The following PRKG1 variants were observed in gnomAD, a reference collection of about 807,000 sequenced individuals.
The protein encoded by PRKG1 is protein kinase cGMP-dependent 1.
Under a neutral mutation model 88.1 loss-of-function variants are expected in PRKG1, and 35 were observed. That is an observed-to-expected ratio of 0.40 (90% CI 0.30 to 0.53). PRKG1 has a LOEUF of 0.53. Among genes scored for constraint, PRKG1 ranks in the 20% least tolerant of loss-of-function variants. The pLI is 0.59. For missense variants in PRKG1, 540 were observed against 839.8 expected (o/e 0.64, Z 4.41); for synonymous variants, 303 against 292.5 (o/e 1.04, Z -0.37).
intron 9 of PRKG1, among the ~76,000 whole-genome samples, chr10:52,191,208 C>CA (rs1839354392): frequency 6.6e-6 from 1 of 152,156 alleles, no homozygotes; most frequent in African/African-American, 2.4e-5. Flanking sequence ...GGCTGGAGTG[C>CA]AGTGTCCTGA....
intron 2 of PRKG1, among the ~76,000 whole-genome samples, chr10:51,312,807 C>A (rs1263149912): frequency 6.6e-6 from 1 of 151,946 alleles, no homozygotes. Context: ...TAGTGGGGTA[C>A]ACAATTTTAT....
intron 2 of PRKG1, among the ~76,000 whole-genome samples, chr10:51,428,241 A>G (rs1368570763): frequency 2.0e-5 from 3 of 152,210 alleles, no homozygotes; most frequent in Non-Finnish European, 4.4e-5. Flanking sequence ...CTTGTGGCAA[A>G]TTCTATTAAC....
intron 1 of PRKG1, among the ~76,000 whole-genome samples, chr10:51,057,902 G>C (rs1404610737): frequency 6.6e-6 from 1 of 151,996 alleles, no homozygotes; most frequent in East Asian, 1.9e-4. Flanking sequence ...TAGATTATGG[G>C]ATAGCCATAT....
intron 7 of PRKG1, among the ~76,000 whole-genome samples, chr10:52,092,041 G>A (rs1847069793): frequency 6.6e-6 from 1 of 152,180 alleles, no homozygotes; most frequent in African/African-American, 2.4e-5. Flanking sequence ...GATTGCTAAT[G>A]AGGCTGCATT....
intron 4 of PRKG1, among the ~76,000 whole-genome samples, chr10:51,818,230 T>C (rs1222593758): frequency 6.6e-6 from 1 of 152,172 alleles, no homozygotes; most frequent in African/African-American, 2.4e-5. Context: ...TCTTCTAGAA[T>C]ATTATTTTAG....
intron 7 of PRKG1, among the ~76,000 whole-genome samples, chr10:52,104,305 G>A (rs1847364946): frequency 6.6e-6 from 1 of 151,826 alleles, no homozygotes; most frequent in African/African-American, 2.4e-5. Flanking sequence ...TATTTTAATT[G>A]TTAGAGACTA....
intron 3 of PRKG1, among the ~76,000 whole-genome samples, chr10:51,720,354 A>G (rs1056858646): frequency 1.2e-4 from 18 of 152,262 alleles, no homozygotes; most frequent in African/African-American, 4.3e-4. Context: ...TGGAAGGGTT[A>G]TTTTCACCTC....
At chr10:52,157,125 T>A (rs1481273145) in intron 8 of PRKG1, among the ~76,000 whole-genome samples, 1 of 150,958 alleles carries the variant, frequency 6.6e-6, no homozygotes, top group African/African-American at 2.4e-5. Flanking sequence ...ATTCTATTTT[T>A]AAAATGTTTA....
chr10:52,007,709 CAT>C (rs1191314100), intron 5 of PRKG1, among the ~76,000 whole-genome samples: 1 of 152,144 alleles, frequency 6.6e-6, no homozygotes, highest in African/African-American at 2.4e-5. Flanking sequence ...CAGTATTAAA[CAT>C]ATCATGGAGG....
intron 9 of PRKG1, among the ~76,000 whole-genome samples, chr10:52,211,699 T>TAAAAA (rs57320498): frequency 4.2e-5 from 5 of 119,960 alleles, no homozygotes; most frequent in Admixed American, 8.3e-5. Context: ...CCTATCCTGG[T>TAAAAA]AAAAAAAAAA....
At chr10:52,062,813 G>A (rs778814319) in intron 7 of PRKG1, 182 bp downstream of exon 7, 12 of 722,534 alleles carry the variant, frequency 1.7e-5, no homozygotes, top group Admixed American at 4.0e-5. Context: ...GTTTGAATAC[G>A]TTGTGGAATA....
chr10:52,075,779 G>A (rs542784530), intron 7 of PRKG1, among the ~76,000 whole-genome samples: 2 of 152,192 alleles, frequency 1.3e-5, no homozygotes, highest in Admixed American at 6.5e-5. Context: ...CACCCTTCTG[G>A]CTTTGTGCTC....
intron 3 of PRKG1, among the ~76,000 whole-genome samples, chr10:51,656,640 C>A (rs776207283): frequency 2.0e-5 from 3 of 152,112 alleles, no homozygotes; most frequent in Non-Finnish European, 4.4e-5. Context: ...CCTACTCTCT[C>A]TTTAATTCAT....
chr10:51,445,350 T>A (rs1481184252), intron 2 of PRKG1, among the ~76,000 whole-genome samples: 4 of 151,914 alleles, frequency 2.6e-5, no homozygotes, highest in Admixed American at 6.6e-5. Context: ...CATCTTTGTG[T>A]TCCTAGTTAC....
intron 2 of PRKG1, among the ~76,000 whole-genome samples, chr10:51,288,329 G>A (rs181368317): frequency 6.6e-6 from 1 of 152,120 alleles, no homozygotes; most frequent in East Asian, 1.9e-4. Flanking sequence ...GTATAAATGT[G>A]TTACTGAACA....
At chr10:52,131,224 G>A (rs1461050074) in intron 7 of PRKG1, among the ~76,000 whole-genome samples, 1 of 152,096 alleles carries the variant, frequency 6.6e-6, no homozygotes, top group African/African-American at 2.4e-5. Context: ...GGGATGAAAC[G>A]GGGAGCAAAG....
At chr10:51,839,531 G>A (rs2091727165) in intron 4 of PRKG1, among the ~76,000 whole-genome samples, 1 of 152,150 alleles carries the variant, frequency 6.6e-6, no homozygotes, top group Admixed American at 6.5e-5. Flanking sequence ...TTGCATATGG[G>A]TAATATTTTT....
intron 4 of PRKG1, among the ~76,000 whole-genome samples, chr10:51,814,831 T>C (rs1018205975): frequency 5.3e-5 from 8 of 152,184 alleles, no homozygotes; most frequent in Non-Finnish European, 1.0e-4. Context: ...GGCTAATTTT[T>C]AAAAAATTAT....
chr10:51,133,003 G>A (rs1589180811), intron 1 of PRKG1, among the ~76,000 whole-genome samples: 1 of 152,146 alleles, frequency 6.6e-6, no homozygotes, highest in East Asian at 1.9e-4. Context: ...TGGGTTGGAG[G>A]CTTGGTGTCT....
Sources: gnomAD v4.1 joint callset for allele counts (sites outside exome capture counted in the v4.1 genomes callset) on GRCh38, gnomAD v4.1.1 for gene constraint, MANE v1.5 for transcripts, NCBI Gene and HGNC (gene_info 2026-07-23, HGNC 2026-07-21) for gene names.